The following SORL1 variants were observed in gnomAD, a reference collection of about 807,000 sequenced individuals.
The protein encoded by SORL1 is sortilin related receptor 1.
In SORL1, 127 loss-of-function variants were observed where a neutral mutation model predicts 273.7. The ratio of observed to expected loss-of-function variants is 0.46; its 90% CI spans 0.40 to 0.54. SORL1 has a LOEUF of 0.54. Ranked by LOEUF, SORL1 falls within the 20% of genes least tolerant of loss-of-function variation. The pLI, the probability that SORL1 is intolerant of heterozygous loss-of-function variation, is 0.00. For missense variants in SORL1, 2,494 were observed against 2,846.1 expected, an observed-to-expected ratio of 0.88 and a Z score of 2.81; for synonymous variants, 1,031 against 1,067.4, an observed-to-expected ratio of 0.97 and a Z score of 0.66.
intron 29 of SORL1, 118 bp from the exon 30 acceptor site, chr11:121,589,922 A>G (rs1339361740): frequency 1.5e-5 from 18 of 1,211,940 alleles, no homozygotes; most frequent in Admixed American, 2.1e-5. Context: ...TTATCTCTTT[A>G]TGGGTGGGAA....
In SORL1 at chr11:121,558,723, G is replaced by T. The variant is rs759257157; in HGVS notation, c.2796G>T (p.Trp932Cys). Reference protein sequence around the residue: ...WPNGISVDDQWIYWTDAYLEC... With the variant: ...WPNGISVDDQCIYWTDAYLEC... ...ATGGCATCTCTGTGGACGACCAGTG[G>T]ATTTACTGGACGGATGCCTACCTGG... is the stretch of plus-strand genomic sequence containing the variant. The change falls in exon 20 of 48, where the codon TGG (tryptophan) becomes TGT (cysteine). Residue 932 changes from tryptophan (W) to cysteine (C), a missense_variant. Physicochemically the swap from Trp to Cys is radical, Grantham distance 215. Transcript: ENST00000260197. 9 of 1,614,038 alleles carry T rather than the reference G, an allele frequency of 5.6e-6. No individual in the cohort carries two copies. Among genetic ancestry groups the T allele is most frequent in the African/African-American group, 1.3e-5 (1 of 74,912 alleles).
intron 31 of SORL1, among the ~76,000 whole-genome samples, chr11:121,593,319 C>CT (rs1309310629): frequency 5.3e-5 from 8 of 152,330 alleles, no homozygotes; most frequent in Non-Finnish European, 8.8e-5. Flanking sequence ...TTAATAATTG[C>CT]TTTTTTCATT....
intron 2 of SORL1, 122 bp from the exon 3 acceptor site, chr11:121,477,996 C>T: frequency 1.9e-6 from 2 of 1,079,120 alleles, no homozygotes; most frequent in Non-Finnish European, 2.6e-6. Flanking sequence ...CGCACCATGG[C>T]ACTGCAGCCC....
intron 14 of SORL1, among the ~76,000 whole-genome samples, chr11:121,547,340 T>C (rs976115265): frequency 6.8e-6 from 1 of 146,240 alleles, no homozygotes; most frequent in African/African-American, 2.6e-5. Flanking sequence ...GGGTTTTTTT[T>C]TTTTTCATGA....
rs777344904 is a variant in SORL1, at chr11:121,464,808, C to T, written c.286-5199C>T. 7.0e-4 allele frequency among the ~76,000 whole-genome samples: 106 copies of T among 152,258 alleles called. 1 individual carries two copies. Among genetic ancestry groups the T allele is most frequent in the Admixed American group, 2.2e-3 (34 of 15,300 alleles). Reference sequence around the variant, plus strand: ...GCGGATGCTGTGGCTCTGCAGATGCCGCTGACAGCACTTTGAAGGATTGGT... The same window carrying T: ...GCGGATGCTGTGGCTCTGCAGATGCTGCTGACAGCACTTTGAAGGATTGGT... On this transcript the variant is annotated intron_variant, in intron 1 of 47. Coordinates refer to ENST00000260197, the MANE Select transcript of SORL1 (RefSeq NM_003105.6).
chr11:121,520,864 A>G lies in SORL1; in HGVS notation c.1404+15A>G. 6.4e-7 allele frequency: 1 copy of G among 1,558,538 alleles called. No individual in the cohort carries two copies. The highest frequency in any genetic ancestry group is 2.3e-5 in the East Asian group (1 of 44,100). On this transcript the variant is annotated intron_variant, in intron 9 of 47. Transcript: ENST00000260197. ...TCAATTGTGAGGTATTGATGCTTTA[A>G]TCTTCTTTTGCTTTTTAATATAAAG...
chr11:121,622,351 G>C (rs950944153), intron 45 of SORL1, 83 bp downstream of exon 45: 2 of 680,020 alleles, frequency 2.9e-6, no homozygotes, highest in Admixed American at 2.9e-5. Context: ...CAGCATGCTG[G>C]CATAGATAGT....
chr11:121,540,019 T>TA (rs1862323343), intron 12 of SORL1, among the ~76,000 whole-genome samples: 1 of 152,242 alleles, frequency 6.6e-6, no homozygotes, highest in South Asian at 2.1e-4. Context: ...ATTTTGAACT[T>TA]ATCTTGCTAC....
rs560182081 is a variant in SORL1 at position 121,596,536 on chromosome 11, C to T, written c.4519+764C>T. 4.3e-4 allele frequency among the ~76,000 whole-genome samples: 66 copies of T among 152,318 alleles called. No homozygotes were observed. The highest frequency in any genetic ancestry group is 1.4e-3 in the African/African-American group (60 of 41,568). On this transcript the variant is annotated intron_variant, in intron 32 of 47. Transcript: ENST00000260197. This position sits in a 1 kb window ranked among gnomAD's most constrained non-coding sequence, Gnocchi z 4.3. ...GCATGGCTGGACGGTGCTTATGCAG[C>T]CCCCCACCGGCCTGCCTCTCTGACG... is the stretch of plus-strand genomic sequence containing the variant.
chr11:121,574,853 CAG>C (rs1253591507), intron 24 of SORL1, among the ~76,000 whole-genome samples: 1 of 152,076 alleles, frequency 6.6e-6, no homozygotes, highest in East Asian at 1.9e-4. Flanking sequence ...TGAATGAATT[CAG>C]GGGGTTATTA....
At chr11:121,504,822 G>A (rs1861763568) in intron 6 of SORL1, among the ~76,000 whole-genome samples, 1 of 152,150 alleles carries the variant, frequency 6.6e-6, no homozygotes, top group Admixed American at 6.5e-5. Context: ...TTTTAACTGT[G>A]AGGTTTTTCT....
chr11:121,499,394 G>A (rs754528064), intron 6 of SORL1, among the ~76,000 whole-genome samples: 8 of 152,132 alleles, frequency 5.3e-5, no homozygotes, highest in South Asian at 2.1e-4. Context: ...GAGTACCCAC[G>A]TCAGCATCAG....
chr11:121,621,521 G>A (rs1419025672), intron 44 of SORL1, among the ~76,000 whole-genome samples: 1 of 152,134 alleles, frequency 6.6e-6, no homozygotes, highest in Non-Finnish European at 1.5e-5. Context: ...GAAAAGAGGA[G>A]GGATGCCCAA....
intron 8 of SORL1, 62 bp downstream of exon 8, chr11:121,514,383 T>G: frequency 1.4e-6 from 2 of 1,479,250 alleles, no homozygotes; most frequent in Non-Finnish European, 1.8e-6. Context: ...AGCTTCTCTC[T>G]GGTTCTGTGG....
chr11:121,549,607 G>T (rs1382591811), intron 14 of SORL1, among the ~76,000 whole-genome samples: 1 of 152,108 alleles, frequency 6.6e-6, no homozygotes, highest in East Asian at 1.9e-4. Flanking sequence ...ACGTCTCATT[G>T]GTTGCTAGTA....
intron 28 of SORL1, among the ~76,000 whole-genome samples, chr11:121,588,503 G>T (rs576295108): frequency 1.3e-5 from 2 of 152,132 alleles, no homozygotes; most frequent in East Asian, 3.8e-4. Context: ...CCAGCGTGCC[G>T]TAGCCCCTTA....
intron 21 of SORL1, among the ~76,000 whole-genome samples, chr11:121,564,744 A>AT (rs56704272): frequency 0.062 from 9,190 of 147,192 alleles, 434 homozygotes; most frequent in East Asian, 0.3. Flanking sequence ...AATTTTGCTT[A>AT]TTTTTTTTTT....
intron 31 of SORL1, among the ~76,000 whole-genome samples, chr11:121,594,593 GATAA>G (rs1256885949): frequency 6.6e-6 from 1 of 151,740 alleles, no homozygotes; most frequent in Non-Finnish European, 1.5e-5. Flanking sequence ...TTTTTTCTTG[GATAA>G]ATAATATATT....
At chr11:121,574,140 C>A in intron 23 of SORL1, 101 bp from the exon 24 acceptor site, 5 of 1,167,980 alleles carry the variant, frequency 4.3e-6, no homozygotes, top group Non-Finnish European at 5.0e-6. Flanking sequence ...CAATTAATAC[C>A]TGCTTTCTTC....
Sources: allele counts gnomAD v4.1 joint callset (sites outside exome capture counted in the v4.1 genomes callset), GRCh38; gene constraint gnomAD v4.1.1; non-coding constraint Gnocchi (gnomAD v3.1); transcripts MANE v1.5; gene names NCBI Gene and HGNC (gene_info 2026-07-23, HGNC 2026-07-21).